CPED1: variants seen among roughly 807,000 people sequenced by gnomAD.
The protein encoded by CPED1 is cadherin like and PC-esterase domain containing 1, also known as cadherin-like and PC-esterase domain-containing protein 1.
Under a neutral mutation model 128.2 loss-of-function variants are expected in CPED1, and 114 were observed. The ratio of observed to expected loss-of-function variants is 0.89; its 90% CI spans 0.76 to 1.04. The LOEUF is 1.04. CPED1 is among the 50% of genes least tolerant of loss of function. The probability of loss-of-function intolerance (pLI) is 0.00; values close to 1 mark genes in which losing one functional copy is unlikely to be tolerated. For missense variants in CPED1, 1,211 were observed against 1,207.1 expected (o/e 1.00, Z -0.05); for synonymous variants, 462 against 426.7 (o/e 1.08, Z -1.02).
At chr7:121,163,140 C>T (rs532984700) in intron 16 of CPED1, among the ~76,000 whole-genome samples, 90 of 152,292 alleles carry the variant, frequency 5.9e-4, no homozygotes, top group Middle Eastern at 6.8e-3. Context: ...TCTCAACTCT[C>T]CTCATGGACT....
intron 16 of CPED1, among the ~76,000 whole-genome samples, chr7:121,190,100 AAAATT>A (rs1210092826): frequency 1.3e-5 from 2 of 152,000 alleles, no homozygotes; most frequent in East Asian, 1.9e-4. Context: ...GCTCTGAAGA[AAAATT>A]AAACAAGATA....
intron 2 of CPED1, among the ~76,000 whole-genome samples, chr7:121,004,107 C>A (rs1791941898): frequency 2.0e-5 from 3 of 152,132 alleles, no homozygotes; most frequent in Admixed American, 2.0e-4. Context: ...ATCTTTACTG[C>A]CCTGGAGATG....
At chr7:121,034,011 C>G (rs1301809257) in intron 3 of CPED1, among the ~76,000 whole-genome samples, 1 of 152,044 alleles carries the variant, frequency 6.6e-6, no homozygotes, top group African/African-American at 2.4e-5. Context: ...TGAAAAATAA[C>G]ATTTAGTAGA....
chr7:121,249,126 G>C (rs1798608420), intron 18 of CPED1, among the ~76,000 whole-genome samples: 1 of 151,764 alleles, frequency 6.6e-6, no homozygotes, highest in African/African-American at 2.4e-5. Flanking sequence ...CAAGAATAAA[G>C]AAAAAAGTAC....
At chr7:121,018,534 T>C (rs1792361894) in intron 3 of CPED1, among the ~76,000 whole-genome samples, 1 of 152,152 alleles carries the variant, frequency 6.6e-6, no homozygotes, top group Non-Finnish European at 1.5e-5. Context: ...TTTGAAAATA[T>C]TACATTAAAA....
chr7:121,101,837 A>G (rs1794857294), intron 7 of CPED1, among the ~76,000 whole-genome samples: 1 of 152,110 alleles, frequency 6.6e-6, no homozygotes, highest in African/African-American at 2.4e-5. Context: ...AACTCACCAC[A>G]GGGAAGGCAC....
chr7:121,133,135 T>C (rs1244381973), intron 12 of CPED1, among the ~76,000 whole-genome samples: 1 of 152,060 alleles, frequency 6.6e-6, no homozygotes, highest in African/African-American at 2.4e-5. Flanking sequence ...AATGGAGATT[T>C]GCACCAGCAC....
At chr7:121,204,057 G>A (rs564732541) in intron 16 of CPED1, among the ~76,000 whole-genome samples, 9 of 152,052 alleles carry the variant, frequency 5.9e-5, no homozygotes, top group Non-Finnish European at 5.9e-5. Flanking sequence ...ACCCAAGTCA[G>A]TATTTCCTCA....
chr7:121,198,116 TG>T (rs1563062293), intron 16 of CPED1, among the ~76,000 whole-genome samples: 1 of 152,212 alleles, frequency 6.6e-6, no homozygotes, highest in African/African-American at 2.4e-5. Flanking sequence ...AAAATAGTGT[TG>T]GGGGTAGCAG....
intron 7 of CPED1, among the ~76,000 whole-genome samples, chr7:121,111,046 A>G (rs1219524419): frequency 1.3e-5 from 2 of 152,070 alleles, no homozygotes; most frequent in Non-Finnish European, 2.9e-5. Flanking sequence ...TGACTGAGAG[A>G]TCAGATGGGG....
rs147038927 is a variant in CPED1 at position 121,224,086 on chromosome 7, T to G, written c.2056-12628T>G. The stretch of plus-strand genomic sequence containing the variant: ...TTTTAGATCTTTCCTGATTTCTCTT[T>G]TGGGCATTTAGTGCTATAAATTTCC... On this transcript the variant is annotated intron_variant, in intron 16 of 22. Transcript: ENST00000310396. 2.5e-3 allele frequency among the ~76,000 whole-genome samples: 378 copies of G among 152,232 alleles called. 4 individuals carry two copies. In the East Asian group the frequency reaches 0.052, roughly 21 times the overall value.
intron 16 of CPED1, among the ~76,000 whole-genome samples, chr7:121,144,607 G>A (rs1243954559): frequency 6.6e-6 from 1 of 151,846 alleles, no homozygotes; most frequent in Non-Finnish European, 1.5e-5. Context: ...AAGGTCTAAT[G>A]TTCAATAGTA....
At chr7:121,257,689 C>T (rs1237398200) in intron 18 of CPED1, among the ~76,000 whole-genome samples, 1 of 151,992 alleles carries the variant, frequency 6.6e-6, no homozygotes, top group Non-Finnish European at 1.5e-5. Flanking sequence ...TTTCCCGGTA[C>T]ATCTATTTCT....
intron 4 of CPED1, among the ~76,000 whole-genome samples, chr7:121,058,350 G>T (rs779030399): frequency 6.6e-6 from 1 of 152,144 alleles, no homozygotes; most frequent in Non-Finnish European, 1.5e-5. Flanking sequence ...ACTAATTATC[G>T]TAATAATGTA....
intron 3 of CPED1, among the ~76,000 whole-genome samples, chr7:121,037,633 C>A (rs1317954745): frequency 6.6e-6 from 1 of 151,892 alleles, no homozygotes; most frequent in East Asian, 1.9e-4. Flanking sequence ...CTTTTTGGTT[C>A]CATATGAACG....
chr7:121,267,890 G>A (rs1792162701), intron 21 of CPED1, among the ~76,000 whole-genome samples: 1 of 151,992 alleles, frequency 6.6e-6, no homozygotes, highest in Admixed American at 6.6e-5. Context: ...TAATATGTAA[G>A]GAGGTTGAGA....
Position 121,140,838 on chromosome 7 carries a change from CCATGT to C in CPED1, c.1715_1719del (p.Cys572TyrfsTer15). ...TGTTTTTTTAACAGATGAAAACACA[CCATGT>C]CATATCAAGCAGATCTTCACACATC... is the stretch of plus-strand genomic sequence containing the variant. On this transcript the variant is annotated frameshift_variant, in exon 15 of 23. Coordinates refer to ENST00000310396, the MANE Select transcript of CPED1 (RefSeq NM_024913.5). LOFTEE classifies it high-confidence loss of function. 1 of 1,610,660 alleles carries C rather than the reference CCATGT, an allele frequency of 6.2e-7. No individual in the cohort carries two copies. The highest frequency in any genetic ancestry group is 1.1e-5 in the South Asian group (1 of 90,696).
intron 3 of CPED1, among the ~76,000 whole-genome samples, chr7:121,018,097 G>A (rs973968134): frequency 2.0e-4 from 30 of 151,880 alleles, no homozygotes; most frequent in Non-Finnish European, 3.8e-4. Flanking sequence ...ATTTGATTTT[G>A]TAGTTTTTAC....
chr7:121,004,450 G>A (rs1256170478), intron 2 of CPED1, among the ~76,000 whole-genome samples: 1 of 152,162 alleles, frequency 6.6e-6, no homozygotes, highest in Non-Finnish European at 1.5e-5. Context: ...GCCCAGAGGA[G>A]GACATGTTTG....
Sources: gnomAD v4.1 joint callset for allele counts (sites outside exome capture counted in the v4.1 genomes callset) on GRCh38, gnomAD v4.1.1 for gene constraint, MANE v1.5 for transcripts, NCBI Gene and HGNC (gene_info 2026-07-23, HGNC 2026-07-21) for gene names.